Variants in CACNA2D1 observed in about 807,000 individuals in gnomAD.
The protein encoded by CACNA2D1 is voltage-dependent calcium channel subunit alpha-2/delta-1.
Under a neutral mutation model 171.5 loss-of-function variants are expected in CACNA2D1, and 53 were observed. The observed-to-expected ratio is 0.31, with a 90% CI of 0.25 to 0.39. The LOEUF (loss-of-function observed/expected upper bound fraction) is 0.39, where lower values mean the gene tolerates loss of function less well. Ranked by LOEUF, CACNA2D1 falls within the 10% of genes least tolerant of loss-of-function variation. The probability of loss-of-function intolerance (pLI) is 1.00; values close to 1 mark genes in which losing one functional copy is unlikely to be tolerated. For synonymous variants in CACNA2D1, 442 were observed against 443.1 expected, an observed-to-expected ratio of 1.00 and a Z score of 0.03; for missense variants, 903 against 1,299.8, an observed-to-expected ratio of 0.69 and a Z score of 4.69.
intron 3 of CACNA2D1, among the ~76,000 whole-genome samples, chr7:82,172,702 T>C (rs1337684612): frequency 7.3e-6 from 1 of 137,674 alleles, no homozygotes; most frequent in Non-Finnish European, 1.5e-5. Flanking sequence ...CCTCCCAAAG[T>C]GCTGGTATTA....
intron 1 of CACNA2D1, among the ~76,000 whole-genome samples, chr7:82,395,428 ATT>A (rs953322218): frequency 1.3e-5 from 2 of 152,312 alleles, no homozygotes; most frequent in Non-Finnish European, 2.9e-5. Flanking sequence ...TGCTTTTCAG[ATT>A]TTAATTTTAA....
intron 3 of CACNA2D1, among the ~76,000 whole-genome samples, chr7:82,274,326 T>C (rs1003484783): frequency 2.0e-5 from 3 of 152,224 alleles, no homozygotes; most frequent in African/African-American, 7.2e-5. Context: ...TTTTATACTA[T>C]AAAAAGTCTA....
intron 6 of CACNA2D1, among the ~76,000 whole-genome samples, chr7:82,089,768 T>C (rs1810909085): frequency 6.6e-6 from 1 of 152,182 alleles, no homozygotes; most frequent in Non-Finnish European, 1.5e-5. Context: ...GAATACAGAA[T>C]ATTTGACGAG....
At chr7:82,009,629 A>C (rs780127297) in intron 15 of CACNA2D1, among the ~76,000 whole-genome samples, 1 of 152,098 alleles carries the variant, frequency 6.6e-6, no homozygotes, top group South Asian at 2.1e-4. Flanking sequence ...TTGCATTTAT[A>C]CTGCATACCA....
At chr7:82,159,994 CCAAA>C (rs1183353282) in intron 4 of CACNA2D1, among the ~76,000 whole-genome samples, 3 of 150,654 alleles carry the variant, frequency 2.0e-5, no homozygotes, top group Non-Finnish European at 4.4e-5. Context: ...TATAAAGACA[CCAAA>C]CAATCAAAAA....
chr7:81,971,977 T>TA lies in CACNA2D1; in HGVS notation c.2054-114dup, dbSNP rs552258431. 110 of 699,556 alleles carry TA rather than the reference T, an allele frequency of 1.6e-4. 4 individuals are homozygous for TA. In the South Asian group the frequency reaches 1.8e-3, roughly 11 times the overall value. The allele number at this position is 699,556 out of a possible 1,614,324, so 43.3% of individuals were successfully genotyped here. A position where few individuals can be genotyped will look rare whatever the true frequency, so the allele number is the denominator to read the frequency against. On this transcript the variant is annotated intron_variant, in intron 25 of 38. Coordinates refer to ENST00000356860, the MANE Select transcript of CACNA2D1 (RefSeq NM_000722.4). ...TTAGAGTAGATATTTCTATGAATTT[T>TA]AAAATATATTCCACATTCATTTTCT...
intron 1 of CACNA2D1, among the ~76,000 whole-genome samples, chr7:82,389,132 G>GTATATATATATATATTTATATA (rs1200525925): frequency 7.3e-6 from 1 of 137,772 alleles, no homozygotes; most frequent in Non-Finnish European, 1.5e-5. Context: ...ATAATAATTA[G>GTATATATATATATATTTATATA]TATATATATA....
intron 4 of CACNA2D1, among the ~76,000 whole-genome samples, chr7:82,137,842 A>T (rs908544566): frequency 6.6e-6 from 1 of 151,668 alleles, no homozygotes; most frequent in Non-Finnish European, 1.5e-5. Context: ...ATCGCGCGAC[A>T]GAGCGAGACT....
rs1794188150 is a variant in CACNA2D1 at position 81,962,036 on chromosome 7, G to A, written c.2837-13C>T. ...TCCTCCATCTCAACTTGGGTGGCGG[G>A]GGACGGTGTAAAAACAAAGAACACC... On this transcript the variant is annotated splice_polypyrimidine_tract_variant and intron_variant, in intron 35 of 38. Coordinates refer to ENST00000356860, the MANE Select transcript of CACNA2D1 (RefSeq NM_000722.4). 1.9e-6 allele frequency: 3 copies of A among 1,611,986 alleles called. No homozygotes were observed. Among genetic ancestry groups the A allele is most frequent in the East Asian group, 4.5e-5 (2 of 44,776 alleles).
At chr7:82,114,191 TA>T (rs1378924028) in intron 6 of CACNA2D1, among the ~76,000 whole-genome samples, 1 of 152,162 alleles carries the variant, frequency 6.6e-6, no homozygotes, top group African/African-American at 2.4e-5. Context: ...TAAACATTTT[TA>T]AAAAAATTTT....
chr7:82,087,560 TAAA>T (rs34472151), intron 6 of CACNA2D1, among the ~76,000 whole-genome samples: 2,565 of 144,702 alleles, frequency 0.018, 43 homozygotes, highest in African/African-American at 0.033. Flanking sequence ...TGAAAGCAGC[TAAA>T]AAAAAAAAAA....
chr7:82,314,458 T>C (rs1814847657), intron 3 of CACNA2D1, among the ~76,000 whole-genome samples: 1 of 152,176 alleles, frequency 6.6e-6, no homozygotes, highest in Admixed American at 6.5e-5. Flanking sequence ...AGTATTCTTA[T>C]TTGTTCCTAT....
At chr7:82,145,595 A>G (rs888280302) in intron 4 of CACNA2D1, among the ~76,000 whole-genome samples, 2 of 140,616 alleles carry the variant, frequency 1.4e-5, no homozygotes, top group Non-Finnish European at 3.1e-5. Flanking sequence ...TTATATATGT[A>G]ATTTATATAT....
intron 3 of CACNA2D1, among the ~76,000 whole-genome samples, chr7:82,177,087 T>TTTTGG (rs1563160670): frequency 9.6e-5 from 4 of 41,544 alleles, no homozygotes; most frequent in Non-Finnish European, 1.5e-4. Context: ...TTTTTTTTTT[T>TTTTGG]GGCGGGGGTT....
At chr7:82,384,349 A>G (rs563662172) in intron 1 of CACNA2D1, among the ~76,000 whole-genome samples, 2 of 152,302 alleles carry the variant, frequency 1.3e-5, no homozygotes, top group East Asian at 3.9e-4. Flanking sequence ...TTATAAGAAG[A>G]GAGAGAGAAA....
At chr7:81,960,008 A>C (rs182670383) in intron 36 of CACNA2D1, among the ~76,000 whole-genome samples, 179 bp from the exon 37 acceptor site, 2 of 152,214 alleles carry the variant, frequency 1.3e-5, no homozygotes, top group Admixed American at 1.3e-4. Flanking sequence ...ATTAGCATGA[A>C]CGTATTACCT....
At chr7:82,224,101 C>T (rs79685184) in intron 3 of CACNA2D1, among the ~76,000 whole-genome samples, 1,845 of 152,214 alleles carry the variant, frequency 0.012, 24 homozygotes, top group Middle Eastern at 0.061. Context: ...ATTCCAGTCA[C>T]TATGTTTTAT....
At chr7:82,221,025 C>G (rs1801706135) in intron 3 of CACNA2D1, among the ~76,000 whole-genome samples, 1 of 152,170 alleles carries the variant, frequency 6.6e-6, no homozygotes, top group African/African-American at 2.4e-5. Context: ...ATCTGCCCAC[C>G]TTGGGTTCCC....
At chr7:82,395,807 C>G (rs932244461) in intron 1 of CACNA2D1, among the ~76,000 whole-genome samples, 1 of 152,042 alleles carries the variant, frequency 6.6e-6, no homozygotes, top group Non-Finnish European at 1.5e-5. Context: ...TATTTTCTAG[C>G]ATAAAGAACA....
Sources: allele counts gnomAD v4.1 joint callset (sites outside exome capture counted in the v4.1 genomes callset), GRCh38; gene constraint gnomAD v4.1.1; transcripts MANE v1.5; gene names NCBI Gene and HGNC (gene_info 2026-07-23, HGNC 2026-07-21).